The following ADAMTS7 variants were observed in gnomAD, a reference collection of about 807,000 sequenced individuals.
ADAMTS7 encodes ADAM metallopeptidase with thrombospondin type 1 motif 7.
Under a neutral mutation model 172.6 loss-of-function variants are expected in ADAMTS7, and 89 were observed. The observed-to-expected ratio is 0.52, with a 90% CI of 0.43 to 0.61. The LOEUF is 0.61. Ranked by LOEUF, ADAMTS7 falls within the 20% of genes least tolerant of loss-of-function variation. The pLI is 0.00. For missense variants in ADAMTS7, 1,973 were observed against 2,355.6 expected, an observed-to-expected ratio of 0.84 and a Z score of 3.36; for synonymous variants, 885 against 978.4, an observed-to-expected ratio of 0.90 and a Z score of 1.78.
At chr15:78,791,785 T>TC (rs1414460932) in intron 4 of ADAMTS7, among the ~76,000 whole-genome samples, 1 of 152,102 alleles carries the variant, frequency 6.6e-6, no homozygotes, top group African/African-American at 2.4e-5. Context: ...CTATTCCATT[T>TC]CCCCGGGGCT....
chr15:78,780,402 C>T (rs903138700), intron 8 of ADAMTS7, among the ~76,000 whole-genome samples: 9 of 152,044 alleles, frequency 5.9e-5, no homozygotes, highest in Non-Finnish European at 1.2e-4. Context: ...CTGGCCACCC[C>T]AGGGATCTGG....
rs1032821698 is a variant in ADAMTS7, at chr15:78,811,434, A to T, written c.-214T>A. Reference sequence around the variant, plus strand: ...GCCGCTGCAGAGGCAAAGAAAAGACAAGAGAGCTAGAAGGAGAGAAAGAAA... The same window carrying T: ...GCCGCTGCAGAGGCAAAGAAAAGACTAGAGAGCTAGAAGGAGAGAAAGAAA... On this transcript the variant is annotated 5_prime_UTR_variant, in exon 1 of 24. Coordinates refer to ENST00000388820, the MANE Select transcript of ADAMTS7 (RefSeq NM_014272.5). The T allele has an allele frequency of 2.6e-6, 1 of 386,076 alleles. No individual in the cohort carries two copies. Among genetic ancestry groups the T allele is most frequent in the Non-Finnish European group, 4.4e-6 (1 of 226,168 alleles). The allele number at this position is 386,076 out of a possible 1,614,324, so 23.9% of individuals were successfully genotyped here. A position where few individuals can be genotyped will look rare whatever the true frequency, so the allele number is the denominator to read the frequency against.
At position 78,774,116 on chromosome 15, in the gene ADAMTS7, T is replaced by C. The variant is rs779733257; in HGVS notation, c.2010+51A>G. ...CAGGAGAGAACCTGGGGCCTGCCAGTGGGGCTGGGGGCAGGCAGTGCTGGG... is the reference window on the plus strand; with the variant it reads ...CAGGAGAGAACCTGGGGCCTGCCAGCGGGGCTGGGGGCAGGCAGTGCTGGG... On this transcript the variant is annotated intron_variant, in intron 13 of 23. Transcript: ENST00000388820. 4.4e-6 allele frequency: 7 copies of C among 1,581,798 alleles called. No homozygotes were observed. In the Admixed American group the frequency reaches 1.2e-4, roughly 27 times the overall value.
rs76478880 is a variant in ADAMTS7, at chr15:78,773,288, A to G, written c.2011-85T>C. ...CCCCGGGGCCAGCCAGAGTCAGGAG[A>G]AGAAAGCTGGGAGTTGGGGTCGGGA... On this transcript the variant is annotated intron_variant, in intron 13 of 23. Transcript: ENST00000388820. 2,666 of 1,195,954 alleles carry G rather than the reference A, an allele frequency of 2.2e-3. 25 individuals are homozygous for G. Among genetic ancestry groups the G allele is most frequent in the African/African-American group, 5.2e-3 (339 of 65,142 alleles). The allele number at this position is 1,195,954 out of a possible 1,614,324, so 74.1% of individuals were successfully genotyped here. A position where few individuals can be genotyped will look rare whatever the true frequency, so the allele number is the denominator to read the frequency against.
intron 3 of ADAMTS7, 78 bp from the exon 4 acceptor site, chr15:78,796,864 A>G: frequency 1.5e-6 from 2 of 1,353,562 alleles, no homozygotes; most frequent in East Asian, 2.5e-5. Flanking sequence ...CTCCTCAGTG[A>G]GCTCTCTCTG....
At chr15:78,779,578 C>G (rs1319918440) in intron 8 of ADAMTS7, among the ~76,000 whole-genome samples, 11 of 152,088 alleles carry the variant, frequency 7.2e-5, no homozygotes, top group African/African-American at 2.7e-4. Context: ...CCCAAGTGCT[C>G]CTGCGGCTTG....
Position 78,759,455 on chromosome 15 carries a change from G to T in ADAMTS7, c.5027C>A (p.Pro1676His), listed in dbSNP as rs780426027. Residue 1676 changes from proline to histidine, a missense_variant, in exon 24 of 24, where the codon CCC becomes CAC. Pro to His is a moderately conservative substitution (Grantham distance 77). Coordinates refer to ENST00000388820, the MANE Select transcript of ADAMTS7 (RefSeq NM_014272.5). ...RSCSPPSHGA[P>H]SRGHQRVARR ...GGCAACCCGCTGATGGCCTCGGGAGGGGGCGCCGTGGCTGGGCGGAGAGCA... is the reference window on the plus strand; with the variant it reads ...GGCAACCCGCTGATGGCCTCGGGAGTGGGCGCCGTGGCTGGGCGGAGAGCA... 5 of 1,596,126 alleles carry T rather than the reference G, an allele frequency of 3.1e-6. No individual in the cohort carries two copies. The African/African-American group carries it at 5.4e-5, about 17-fold the overall frequency.
rs577272851 is a variant in ADAMTS7 at position 78,771,791 on chromosome 15, C to T, written c.2170G>A (p.Glu724Lys). 5.0e-6 allele frequency: 8 copies of T among 1,612,474 alleles called. No homozygotes were observed. Among genetic ancestry groups the T allele is most frequent in the Middle Eastern group, 1.7e-4 (1 of 5,786 alleles). ...TCGGCAACCTCTTGGATGCGGATCT[C>T]GCGTGCGCCCGCTGGGATCAGCCCC... ...DVGLIPAGAREIRIQEVAEAA... is the reference protein window; with the variant it reads ...DVGLIPAGARKIRIQEVAEAA... Residue 724 changes from glutamate (E) to lysine (K), a missense_variant, in exon 15 of 24, where the codon GAG becomes AAG. Coordinates refer to ENST00000388820, the MANE Select transcript of ADAMTS7 (RefSeq NM_014272.5). This position sits in a 1 kb window ranked among gnomAD's most constrained non-coding sequence, Gnocchi z 4.9.
intron 1 of ADAMTS7, 81 bp downstream of exon 1, chr15:78,811,040 A>C: frequency 8.3e-7 from 1 of 1,211,108 alleles, no homozygotes; most frequent in South Asian, 4.2e-5. Context: ...GGGTCCACAA[A>C]GGTGAGGAGG....
chr15:78,777,975 C>T (rs892482998), intron 8 of ADAMTS7, among the ~76,000 whole-genome samples: 12 of 152,134 alleles, frequency 7.9e-5, no homozygotes, highest in Non-Finnish European at 1.5e-4. Flanking sequence ...ATCCGGAGAA[C>T]ATCACATCAC....
At position 78,776,908 on chromosome 15, in the gene ADAMTS7, C is replaced by A. The variant is rs559481529; in HGVS notation, c.1468-67G>T. The A allele has an allele frequency of 8.8e-6, 12 of 1,363,160 alleles. No individual in the cohort carries two copies. In the South Asian group the frequency reaches 1.1e-4, roughly 13 times the overall value. The allele number at this position is 1,363,160 out of a possible 1,614,324, so 84.4% of individuals were successfully genotyped here. On this transcript the variant is annotated intron_variant, in intron 9 of 23. Transcript: ENST00000388820. Reference sequence around the variant, plus strand: ...CAGTGCCGCCACCCACCCTGCCCCCCTCCCTGTCCCCAAGGGTCCCCTGGG... The same window carrying A: ...CAGTGCCGCCACCCACCCTGCCCCCATCCCTGTCCCCAAGGGTCCCCTGGG...
rs2055174907 is a variant in ADAMTS7, at chr15:78,767,446, G to T, written c.2792C>A (p.Pro931His). The change falls in exon 18 of 24, where the codon CCT (proline) becomes CAT (histidine). Residue 931 changes from proline to histidine, a missense_variant. By Grantham distance (77) the Pro-to-His change is moderately conservative (BLOSUM62 -2). Around this residue, in one of 8 missense-constraint regions of ADAMTS7, gnomAD observed 771 missense variants for 952.6 expected, o/e 0.81. Coordinates refer to ENST00000388820, the MANE Select transcript of ADAMTS7 (RefSeq NM_014272.5). Reference protein sequence around the residue: ...PPACEHLPRPPTETPCNRHVP... With the variant: ...PPACEHLPRPHTETPCNRHVP... ...ATGGCGGTTGCAAGGGGTTTCAGTA[G>T]GGGGCCGGGGAAGGTGTTCACAGGC... The T allele has an allele frequency of 6.2e-7, 1 of 1,611,840 alleles. No homozygotes were observed. Among genetic ancestry groups the T allele is most frequent in the Non-Finnish European group, 8.5e-7 (1 of 1,179,814 alleles).
At chr15:78,762,151 TCCC>T in intron 23 of ADAMTS7, 1 of 898,836 alleles carries the variant, frequency 1.1e-6, no homozygotes, top group Non-Finnish European at 1.3e-6. Flanking sequence ...CTCCCTCTAC[TCCC>T]CCAAGGTCAG....
intron 19 of ADAMTS7, 119 bp from the exon 20 acceptor site, chr15:78,764,826 C>T (rs1464065134): frequency 1.5e-5 from 17 of 1,160,964 alleles, no homozygotes; most frequent in Non-Finnish European, 1.7e-5. Flanking sequence ...TCTTCTGGGC[C>T]TCAGTTTCCT....
Position 78,807,520 on chromosome 15 carries a change from G to C in ADAMTS7, c.100+3601C>G, listed in dbSNP as rs572658624. Reference sequence around the variant, plus strand: ...AAAGCATTCGGATTAGTGAGCTCTAGAGCCAGAGAGGCTGTGTTTGAATCC... The same window carrying C: ...AAAGCATTCGGATTAGTGAGCTCTACAGCCAGAGAGGCTGTGTTTGAATCC... On this transcript the variant is annotated intron_variant, in intron 1 of 23. Coordinates refer to ENST00000388820, the MANE Select transcript of ADAMTS7 (RefSeq NM_014272.5). Among the ~76,000 whole-genome samples, 5 of 152,344 alleles carry C rather than the reference G, an allele frequency of 3.3e-5. No homozygotes were observed. In the East Asian group the frequency reaches 9.6e-4, roughly 29 times the overall value.
chr15:78,784,108 A>C (rs2141500829), intron 8 of ADAMTS7, among the ~76,000 whole-genome samples: 1 of 152,188 alleles, frequency 6.6e-6, no homozygotes, highest in Middle Eastern at 3.4e-3. Context: ...CTGGCTCATG[A>C]CTGTAATCCC....
rs749752717 is a variant in ADAMTS7 at position 78,771,853 on chromosome 15, G to T, written c.2132-24C>A. 6.2e-7 allele frequency: 1 copy of T among 1,601,686 alleles called. No individual in the cohort carries two copies. ...CCCTGTCAGCCAAGGGTTGTGCATA[G>T]GTTGTGCCCAGGGTGAGAGGGTTGC... is the stretch of plus-strand genomic sequence containing the variant. On this transcript the variant is annotated intron_variant, in intron 14 of 23. Transcript: ENST00000388820. The surrounding 1 kb of genome is among the most constrained non-coding windows in gnomAD (Gnocchi z 4.9).
At chr15:78,787,552 T>G (rs1057514564) in intron 8 of ADAMTS7, among the ~76,000 whole-genome samples, 1 of 152,082 alleles carries the variant, frequency 6.6e-6, no homozygotes, top group African/African-American at 2.4e-5. Flanking sequence ...TAGTCCCAGC[T>G]ACTCAGGAGG....
At chr15:78,792,816 A>C (rs552985881) in intron 4 of ADAMTS7, among the ~76,000 whole-genome samples, 1 of 148,380 alleles carries the variant, frequency 6.7e-6, no homozygotes, top group African/African-American at 2.6e-5. Context: ...TCCATCTCCA[A>C]AAGAAAGAAA....
Sources: allele counts gnomAD v4.1 joint callset (sites outside exome capture counted in the v4.1 genomes callset), GRCh38; gene constraint gnomAD v4.1.1; regional missense constraint gnomAD v4.1.1; non-coding constraint Gnocchi (gnomAD v3.1); transcripts MANE v1.5; gene names NCBI Gene and HGNC (gene_info 2026-07-23, HGNC 2026-07-21).